The following FCRL3 variants were observed in gnomAD, a reference collection of about 807,000 sequenced individuals.
The protein encoded by FCRL3 is Fc receptor-like protein 3.
FCRL3 carries 89 observed loss-of-function variants against 75.0 expected under a neutral mutation model. That is an observed-to-expected ratio of 1.19 (90% CI 1.00 to 1.42). FCRL3 has a LOEUF of 1.42. Ranked by LOEUF, FCRL3 falls within the 40% of genes most tolerant of loss-of-function variation. The pLI is 0.00. For missense variants in FCRL3, 946 were observed against 880.0 expected (o/e 1.07, Z -0.95); for synonymous variants, 376 against 348.5 (o/e 1.08, Z -0.88).
Position 157,700,753 on chromosome 1 carries a change from AAT to A in FCRL3, c.-190_-189del, listed in dbSNP as rs1656266979. The A allele has an allele frequency of 7.2e-7, 1 of 1,381,658 alleles. No homozygotes were observed. The highest frequency in any genetic ancestry group is 1.5e-5 in the African/African-American group (1 of 68,288). The allele number at this position is 1,381,658 out of a possible 1,614,324, so 85.6% of individuals were successfully genotyped here. ...CCATCAGCTGCAGTCTCTCAGGAGT[AAT>A]GTCTCCAAGACTGTGCCTGGGTTCT... On this transcript the variant is annotated 5_prime_UTR_variant, in exon 1 of 15. Transcript: ENST00000368184.
Position 157,678,536 on chromosome 1 carries a change from G to T in FCRL3, c.*174C>A. On this transcript the variant is annotated 3_prime_UTR_variant, in exon 15 of 15. Coordinates refer to ENST00000368184, the MANE Select transcript of FCRL3 (RefSeq NM_052939.4). ...TCAGAGGCTGCCTGCTCTCTTCCTG[G>T]GGAACACACAGATCAGGCACAGGGG... The T allele has an allele frequency of 6.9e-7, 1 of 1,453,068 alleles. No homozygotes were observed. Among genetic ancestry groups the T allele is most frequent in the Admixed American group, 2.7e-5 (1 of 36,556 alleles). The allele number at this position is 1,453,068 out of a possible 1,614,324, so 90.0% of individuals were successfully genotyped here. A position where few individuals can be genotyped will look rare whatever the true frequency, so the allele number is the denominator to read the frequency against.
In FCRL3 at chr1:157,680,981, C is replaced by T. The variant is rs140817798; in HGVS notation, c.1957G>A (p.Val653Ile). The change falls in exon 12 of 15, where the codon GTA becomes ATA. Residue 653 changes from valine to isoleucine, a missense_variant and splice_region_variant. Transcript: ENST00000368184. ...PMELEPMYSN[V>I]NPGDSNPIYS... ...CTTCTGCCCCCTAGGGAGTCCTCAC[C>T]ATTGCTGTACATTGGCTCCAGCTCC... The T allele has an allele frequency of 3.5e-5, 55 of 1,577,538 alleles. No individual in the cohort carries two copies. The highest frequency in any genetic ancestry group is 4.5e-5 in the Non-Finnish European group (52 of 1,166,224).
chr1:157,694,354 G>C (rs1655755595), intron 8 of FCRL3, among the ~76,000 whole-genome samples: 1 of 152,062 alleles, frequency 6.6e-6, no homozygotes, highest in South Asian at 2.1e-4. Flanking sequence ...ACACTGTCTG[G>C]CATTCCCAGA....
At chr1:157,700,277 C>T (rs1656230552) in intron 2 of FCRL3, among the ~76,000 whole-genome samples, 182 bp downstream of exon 2, 1 of 152,184 alleles carries the variant, frequency 6.6e-6, no homozygotes, top group African/African-American at 2.4e-5. Context: ...GGATATCTGG[C>T]TTGCTCTGAT....
At chr1:157,699,661 A>G in intron 3 of FCRL3, 31 bp downstream of exon 3, 1 of 1,613,084 alleles carries the variant, frequency 6.2e-7, no homozygotes, top group Non-Finnish European at 8.5e-7. Flanking sequence ...ATATCCAGAG[A>G]CCAGAGGGGC....
chr1:157,697,873 A>G lies in FCRL3; in HGVS notation c.345T>C (p.Asn115=), dbSNP rs145049521. The G allele has an allele frequency of 2.8e-4, 445 of 1,613,982 alleles. No homozygotes were observed. Among genetic ancestry groups the G allele is most frequent in the Non-Finnish European group, 3.7e-4 (435 of 1,180,026 alleles). Residue 115 remains asparagine, a synonymous_variant, in exon 5 of 15, where the codon AAT becomes AAC. Coordinates refer to ENST00000368184, the MANE Select transcript of FCRL3 (RefSeq NM_052939.4). ...CTTTCCCCTGACATCTCAGAATGACATTGTCTCCTTCAAAGACAGGATGTA... is the reference window on the plus strand; with the variant it reads ...CTTTCCCCTGACATCTCAGAATGACGTTGTCTCCTTCAAAGACAGGATGTA... The part of the protein sequence containing the change: ...QALHPVFEGD[N]VILRCQGKDN...
rs1654610863 is a variant in FCRL3 at position 157,678,569 on chromosome 1, C to T, written c.*141G>A. 6.0e-6 allele frequency: 9 copies of T among 1,502,010 alleles called. No homozygotes were observed. In the Admixed American group the frequency reaches 2.0e-4, roughly 34 times the overall value. 93.0% of individuals were successfully genotyped at this position (1,502,010 alleles called of 1,614,324 possible). On this transcript the variant is annotated 3_prime_UTR_variant, in exon 15 of 15. Coordinates refer to ENST00000368184, the MANE Select transcript of FCRL3 (RefSeq NM_052939.4). ...ACAGATCAGGCACAGGGGAGATTTG[C>T]AGACCTTTTGCTCAGCCTCACATAC...
At chr1:157,680,248 T>G (rs1308958532) in intron 13 of FCRL3, among the ~76,000 whole-genome samples, 1 of 152,154 alleles carries the variant, frequency 6.6e-6, no homozygotes, top group East Asian at 1.9e-4. Context: ...TGCTTTGGAA[T>G]GGGTGTCATT....
chr1:157,697,754 G>C lies in FCRL3; in HGVS notation c.464C>G (p.Ser155Cys). 1 of 1,614,012 alleles carries C rather than the reference G, an allele frequency of 6.2e-7. No individual in the cohort carries two copies. The highest frequency in any genetic ancestry group is 8.5e-7 in the Non-Finnish European group (1 of 1,179,970). Residue 155 changes from serine to cysteine, a missense_variant, in exon 5 of 15, where the codon TCC becomes TGC. Coordinates refer to ENST00000368184, the MANE Select transcript of FCRL3 (RefSeq NM_052939.4). ...NLEKITVNSV[S>C]RDNSKYHCTA... Reference sequence around the variant, plus strand: ...ACAATGATATTTGCTATTATCCCTGGAGACTGAATTCACTGTGATCTTCTC... The same window carrying C: ...ACAATGATATTTGCTATTATCCCTGCAGACTGAATTCACTGTGATCTTCTC...
chr1:157,691,195 CA>C (rs561241910), intron 8 of FCRL3, among the ~76,000 whole-genome samples: 4 of 151,864 alleles, frequency 2.6e-5, no homozygotes, highest in South Asian at 4.2e-4. Flanking sequence ...ACCAAACTGT[CA>C]AAAAAAATCC....
chr1:157,683,197 A>C lies in FCRL3; in HGVS notation c.1838+20T>G, dbSNP rs781304049. The C allele has an allele frequency of 1.0e-4, 168 of 1,609,666 alleles. No individual in the cohort carries two copies. The highest frequency in any genetic ancestry group is 1.4e-4 in the Non-Finnish European group (164 of 1,178,702). On this transcript the variant is annotated intron_variant, in intron 11 of 14. Coordinates refer to ENST00000368184, the MANE Select transcript of FCRL3 (RefSeq NM_052939.4). ...AATAAATCATGAAAATGTTGGCAGCACAAGAAGCAGAGACCTCACCTAGAT... is the reference window on the plus strand; with the variant it reads ...AATAAATCATGAAAATGTTGGCAGCCCAAGAAGCAGAGACCTCACCTAGAT...
chr1:157,691,440 TG>T (rs1173924641), intron 8 of FCRL3, among the ~76,000 whole-genome samples: 1 of 152,190 alleles, frequency 6.6e-6, no homozygotes, highest in Non-Finnish European at 1.5e-5. Flanking sequence ...CCATCGCAGA[TG>T]GGCTAAAGGG....
Position 157,679,040 on chromosome 1 carries a change from G to C in FCRL3, c.2027-67C>G, listed in dbSNP as rs1232416359. ...CAATATATTCCAACTTACAACGTAC[G>C]CACACTGCATTCCAAACCAATCTTC... On this transcript the variant is annotated intron_variant, in intron 13 of 14. Transcript: ENST00000368184. 16 of 1,529,506 alleles carry C rather than the reference G, an allele frequency of 1.0e-5. No individual in the cohort carries two copies. The East Asian group carries it at 2.7e-4, about 26-fold the overall frequency. The allele number at this position is 1,529,506 out of a possible 1,614,324, so 94.7% of individuals were successfully genotyped here.
At chr1:157,680,614 G>A (rs1654774679) in intron 13 of FCRL3, 88 bp downstream of exon 13, 1 of 1,119,238 alleles carries the variant, frequency 8.9e-7, no homozygotes. Context: ...TGTTGGGCTT[G>A]TATTTGAAAT....
At chr1:157,680,956 C>T (rs1654799018) in intron 12 of FCRL3, 25 bp downstream of exon 12, 3 of 1,548,912 alleles carry the variant, frequency 1.9e-6, no homozygotes, top group Admixed American at 1.9e-5. Context: ...TCCCTAGAGC[C>T]TTCTGCCCCC....
Position 157,678,367 on chromosome 1 carries a change from C to A in FCRL3, c.*343G>T, listed in dbSNP as rs539667855. 318 of 1,094,372 alleles carry A rather than the reference C, an allele frequency of 2.9e-4. 1 individual carries two copies. The African/African-American group carries it at 4.9e-3, about 17-fold the overall frequency. The allele number at this position is 1,094,372 out of a possible 1,614,324, so 67.8% of individuals were successfully genotyped here. ...AGAGAGCACATTAACAGCTTTCGAT[C>A]ACACTTGGATCAAATGGTCATGATT... On this transcript the variant is annotated 3_prime_UTR_variant, in exon 15 of 15. Coordinates refer to ENST00000368184, the MANE Select transcript of FCRL3 (RefSeq NM_052939.4).
At chr1:157,700,308 G>T (rs867961865) in intron 2 of FCRL3, 151 bp downstream of exon 2, 23 of 1,159,090 alleles carry the variant, frequency 2.0e-5, no homozygotes, top group African/African-American at 3.1e-5. Flanking sequence ...GGAGCCTCTT[G>T]GTTGTCCAGG....
At chr1:157,698,301 C>G in intron 4 of FCRL3, 83 bp downstream of exon 4, 1 of 1,528,802 alleles carries the variant, frequency 6.5e-7, no homozygotes. Flanking sequence ...GCTTACAACT[C>G]TGCCTAGGAT....
intron 12 of FCRL3, 22 bp from the exon 13 acceptor site, chr1:157,680,792 T>C: frequency 6.2e-7 from 1 of 1,610,814 alleles, no homozygotes; most frequent in Non-Finnish European, 8.5e-7. Flanking sequence ...GATATCATAG[T>C]TGGTTGCAGT....
Sources: gnomAD v4.1 joint callset for allele counts (sites outside exome capture counted in the v4.1 genomes callset) on GRCh38, gnomAD v4.1.1 for gene constraint, MANE v1.5 for transcripts, NCBI Gene and HGNC (gene_info 2026-07-23, HGNC 2026-07-21) for gene names.